ANO2: variants seen among roughly 807,000 people sequenced by gnomAD.
The protein encoded by ANO2 is anoctamin-2.
Under a neutral mutation model 124.2 loss-of-function variants are expected in ANO2, and 101 were observed. That is an observed-to-expected ratio of 0.81 (90% CI 0.69 to 0.96). The LOEUF (loss-of-function observed/expected upper bound fraction) is 0.96. Among genes scored for constraint, ANO2 ranks in the 40% least tolerant of loss-of-function variants. The pLI is 0.00. For synonymous variants in ANO2, 486 were observed against 482.5 expected (o/e 1.01, Z -0.09); for missense variants, 1,293 against 1,274.5 (o/e 1.01, Z -0.22).
intron 1 of ANO2, among the ~76,000 whole-genome samples, chr12:5,932,956 G>T (rs939838669): frequency 9.2e-5 from 14 of 152,184 alleles, no homozygotes; most frequent in South Asian, 2.1e-4. Context: ...AGGAAGAAAG[G>T]CAGTGATTTG....
chr12:5,621,390 G>A (rs1945110995), intron 16 of ANO2, among the ~76,000 whole-genome samples: 1 of 152,210 alleles, frequency 6.6e-6, no homozygotes, highest in Admixed American at 6.5e-5. Context: ...AAATTCTAAG[G>A]AGGGACGTCT....
chr12:5,751,619 C>T (rs891175379), intron 10 of ANO2, among the ~76,000 whole-genome samples: 1 of 152,170 alleles, frequency 6.6e-6, no homozygotes, highest in Non-Finnish European at 1.5e-5. Flanking sequence ...GATAAGTATA[C>T]ACCCATGAGA....
chr12:5,737,453 A>G (rs1950917753), intron 13 of ANO2, among the ~76,000 whole-genome samples: 1 of 152,228 alleles, frequency 6.6e-6, no homozygotes, highest in Non-Finnish European at 1.5e-5. Context: ...TTTCAAGGGT[A>G]TTGAGTTATA....
At chr12:5,681,059 C>T (rs1459860973) in intron 14 of ANO2, among the ~76,000 whole-genome samples, 1 of 152,220 alleles carries the variant, frequency 6.6e-6, no homozygotes, top group Non-Finnish European at 1.5e-5. Flanking sequence ...AGTGTCCTCT[C>T]TCCTCCCGAC....
At chr12:5,813,544 C>T (rs1953502232) in intron 7 of ANO2, among the ~76,000 whole-genome samples, 2 of 152,042 alleles carry the variant, frequency 1.3e-5, no homozygotes, top group Non-Finnish European at 2.9e-5. Flanking sequence ...ACCTGACCAC[C>T]GTCGCCCATA....
chr12:5,606,433 T>TA (rs1944226455), intron 19 of ANO2, among the ~76,000 whole-genome samples: 1 of 152,256 alleles, frequency 6.6e-6, no homozygotes, highest in Non-Finnish European at 1.5e-5. Flanking sequence ...AGGCAGATCT[T>TA]AGTCAGAAAG....
intron 20 of ANO2, among the ~76,000 whole-genome samples, chr12:5,585,411 T>C (rs898985060): frequency 2.6e-5 from 4 of 152,142 alleles, no homozygotes; most frequent in Non-Finnish European, 5.9e-5. Context: ...GTTTACTGCA[T>C]GCAAAGCAAT....
chr12:5,642,891 G>A (rs999305100), intron 15 of ANO2, among the ~76,000 whole-genome samples: 12 of 152,234 alleles, frequency 7.9e-5, no homozygotes, highest in East Asian at 5.8e-4. Context: ...TTCTCTTGCT[G>A]TTTCCTCTGC....
intron 3 of ANO2, among the ~76,000 whole-genome samples, chr12:5,871,718 G>C (rs780824755): frequency 1.3e-5 from 2 of 152,180 alleles, no homozygotes; most frequent in South Asian, 4.1e-4. Flanking sequence ...CATGAAACCA[G>C]TCCCTGGTGC....
chr12:5,906,376 A>T (rs958458948), intron 3 of ANO2, among the ~76,000 whole-genome samples: 2 of 151,956 alleles, frequency 1.3e-5, no homozygotes, highest in African/African-American at 4.8e-5. Flanking sequence ...AAAAGAAAAA[A>T]AGAGGCCATC....
At chr12:5,876,590 T>C (rs1591727776) in intron 3 of ANO2, among the ~76,000 whole-genome samples, 1 of 152,158 alleles carries the variant, frequency 6.6e-6, no homozygotes. Flanking sequence ...CAAATGCCCA[T>C]CAATGATAGA....
At chr12:5,782,750 T>C (rs1244461721) in intron 10 of ANO2, among the ~76,000 whole-genome samples, 1 of 152,210 alleles carries the variant, frequency 6.6e-6, no homozygotes, top group African/African-American at 2.4e-5. Flanking sequence ...TTAAATGGAA[T>C]TGTGGAAATG....
chr12:5,796,706 G>T (rs1014524918), intron 10 of ANO2, among the ~76,000 whole-genome samples: 1 of 152,214 alleles, frequency 6.6e-6, no homozygotes, highest in African/African-American at 2.4e-5. Flanking sequence ...GCCGGGTGGA[G>T]GCAGGGGCCA....
intron 7 of ANO2, among the ~76,000 whole-genome samples, chr12:5,816,410 C>T (rs934000812): frequency 3.3e-5 from 5 of 152,006 alleles, no homozygotes; most frequent in Admixed American, 6.6e-5. Flanking sequence ...AGTCAACCCA[C>T]TGGAAATCTG....
intron 16 of ANO2, among the ~76,000 whole-genome samples, chr12:5,616,587 A>G (rs905383764): frequency 1.3e-5 from 2 of 152,200 alleles, no homozygotes; most frequent in African/African-American, 4.8e-5. Context: ...AAAGTGGACT[A>G]AGCACAGATA....
chr12:5,803,800 C>G (rs1565680917), intron 9 of ANO2, among the ~76,000 whole-genome samples: 2 of 152,182 alleles, frequency 1.3e-5, no homozygotes, highest in South Asian at 2.1e-4. Flanking sequence ...CCAGCCCCTA[C>G]CTGGGGCTGA....
At chr12:5,638,190 T>C (rs1946120648) in intron 15 of ANO2, among the ~76,000 whole-genome samples, 1 of 151,948 alleles carries the variant, frequency 6.6e-6, no homozygotes, top group Non-Finnish European at 1.5e-5. Flanking sequence ...TTGTGCCTTC[T>C]AGATGTCTTT....
At chr12:5,602,747 T>C (rs927958826) in intron 19 of ANO2, among the ~76,000 whole-genome samples, 7 of 151,456 alleles carry the variant, frequency 4.6e-5, no homozygotes, top group African/African-American at 1.2e-4. Context: ...TTAGGAATAA[T>C]GGAAAGGATT....
At chr12:5,827,636 A>C (rs1184560229) in intron 7 of ANO2, 133 bp downstream of exon 7, 1 of 1,099,884 alleles carries the variant, frequency 9.1e-7, no homozygotes, top group Non-Finnish European at 1.3e-6. Flanking sequence ...TCTCAGCCCA[A>C]GCTAAGCAGC....
Sources: gnomAD v4.1 joint callset for allele counts (sites outside exome capture counted in the v4.1 genomes callset) on GRCh38, gnomAD v4.1.1 for gene constraint, MANE v1.5 for transcripts, NCBI Gene and HGNC (gene_info 2026-07-23, HGNC 2026-07-21) for gene names.